Variants in NRXN2 observed in about 807,000 individuals in gnomAD.
The protein encoded by NRXN2 is neurexin 2.
NRXN2 carries 29 observed loss-of-function variants against 128.8 expected under a neutral mutation model. That is an observed-to-expected ratio of 0.23 (90% CI 0.17 to 0.31). The LOEUF is 0.31. NRXN2 is among the 10% of genes least tolerant of loss of function. The pLI is 1.00. For synonymous variants in NRXN2, 1,098 were observed against 1,075.2 expected (o/e 1.02, Z -0.41); for missense variants, 1,881 against 2,452.6 (o/e 0.77, Z 4.92).
chr11:64,717,107 T>C (rs550971923), intron 1 of NRXN2, among the ~76,000 whole-genome samples: 1 of 152,198 alleles, frequency 6.6e-6, no homozygotes, highest in South Asian at 2.1e-4. Flanking sequence ...CCAGGGTAAT[T>C]GCCTCACACG....
intron 2 of NRXN2, among the ~76,000 whole-genome samples, chr11:64,712,366 T>C (rs1444759233): frequency 7.4e-6 from 1 of 134,330 alleles, no homozygotes; most frequent in Non-Finnish European, 1.6e-5. Context: ...TGCTCCCTGT[T>C]TCATAGGCCC....
chr11:64,610,196 G>C (rs769930334), intron 22 of NRXN2, among the ~76,000 whole-genome samples: 5 of 151,950 alleles, frequency 3.3e-5, no homozygotes, highest in Non-Finnish European at 7.4e-5. Context: ...ATCTCCCCTG[G>C]CCAGGGGCTC....
At chr11:64,694,254 G>C (rs529612183) in intron 3 of NRXN2, among the ~76,000 whole-genome samples, 3 of 152,200 alleles carry the variant, frequency 2.0e-5, no homozygotes, top group African/African-American at 7.2e-5. Flanking sequence ...GAACAGCCCT[G>C]CAGTGCCACT....
At chr11:64,676,808 A>C in intron 7 of NRXN2, 185 bp downstream of exon 7, 1 of 626,628 alleles carries the variant, frequency 1.6e-6, no homozygotes, top group South Asian at 1.9e-5. Context: ...CCAAAAAAGA[A>C]AGAAAAGGGA....
chr11:64,657,117 C>T (rs2048386779), intron 11 of NRXN2, among the ~76,000 whole-genome samples: 1 of 152,210 alleles, frequency 6.6e-6, no homozygotes, highest in Non-Finnish European at 1.5e-5. Flanking sequence ...GAGACCAAGC[C>T]TCACCAGGCT....
chr11:64,674,443 C>A (rs1480829637), intron 7 of NRXN2, among the ~76,000 whole-genome samples: 2 of 152,192 alleles, frequency 1.3e-5, no homozygotes, highest in Non-Finnish European at 2.9e-5. Flanking sequence ...CCACCCACTT[C>A]AGCCTCCCAA....
intron 17 of NRXN2, among the ~76,000 whole-genome samples, chr11:64,639,312 C>A (rs1009388798): frequency 6.6e-6 from 1 of 152,140 alleles, no homozygotes; most frequent in Non-Finnish European, 1.5e-5. Context: ...CAATTCCTAA[C>A]CCCCTGCTTG....
intron 2 of NRXN2, among the ~76,000 whole-genome samples, chr11:64,710,096 C>G (rs1353068203): frequency 6.6e-6 from 1 of 151,826 alleles, no homozygotes; most frequent in African/African-American, 2.4e-5. Context: ...TTAGTAGAGA[C>G]GGGGTTTTAC....
chr11:64,607,683 A>G lies in NRXN2; in HGVS notation c.4652T>C (p.Phe1551Ser). 6.5e-7 allele frequency: 1 copy of G among 1,534,796 alleles called. No individual in the cohort carries two copies. Among genetic ancestry groups the G allele is most frequent in the Non-Finnish European group, 8.8e-7 (1 of 1,136,854 alleles). Reference protein sequence around the residue: ...DGATGAPGVLFAPSAPAPNLP... With the variant: ...DGATGAPGVLSAPSAPAPNLP... Reference sequence around the variant, plus strand: ...GTTGGGGGCCGGGGCGGAGGGGGCAAACAGCACCCCAGGGGCGCCCGTGGC... The same window carrying G: ...GTTGGGGGCCGGGGCGGAGGGGGCAGACAGCACCCCAGGGGCGCCCGTGGC... The change falls in exon 23 of 23, where the codon TTT becomes TCT. Residue 1551 changes from phenylalanine (F) to serine (S), a missense_variant. By Grantham distance (155) the Phe-to-Ser change is radical (BLOSUM62 -2). Coordinates refer to ENST00000265459, the MANE Select transcript of NRXN2 (RefSeq NM_015080.4).
At chr11:64,674,417 C>G (rs1254723795) in intron 7 of NRXN2, among the ~76,000 whole-genome samples, 2 of 152,124 alleles carry the variant, frequency 1.3e-5, no homozygotes, top group Non-Finnish European at 2.9e-5. Flanking sequence ...GCCTTGAACT[C>G]CTGGACTCAG....
chr11:64,713,465 C>G lies in NRXN2; in HGVS notation c.235G>C (p.Glu79Gln). The G allele has an allele frequency of 1.3e-6, 2 of 1,531,424 alleles. No homozygotes were observed. The highest frequency in any genetic ancestry group is 2.4e-5 in the South Asian group (2 of 83,130). 94.9% of individuals were successfully genotyped at this position (1,531,424 alleles called of 1,614,324 possible). A position where few individuals can be genotyped will look rare whatever the true frequency, so the allele number is the denominator to read the frequency against. ...AGGCGGCCGTCCACCAGCAGCAGCT[C>G]CAGGAAGTCGCAGTCGCCGCCGTCG... is the stretch of plus-strand genomic sequence containing the variant. ...LDDGGDCDFLELLLVDGRLRL... is the reference protein window; with the variant it reads ...LDDGGDCDFLQLLLVDGRLRL... Residue 79 changes from glutamate (E) to glutamine (Q), a missense_variant, in exon 2 of 23, where the codon GAG (glutamate) becomes CAG (glutamine). This residue lies in a region of NRXN2 where 997 missense variants were observed against 1,240.8 expected (regional missense o/e 0.80). Coordinates refer to ENST00000265459, the MANE Select transcript of NRXN2 (RefSeq NM_015080.4).
intron 6 of NRXN2, 142 bp downstream of exon 6, chr11:64,685,503 GC>G: frequency 9.0e-7 from 1 of 1,115,526 alleles, no homozygotes. Context: ...GACCCTCACA[GC>G]CCCAACTCCT....
Position 64,622,225 on chromosome 11 carries a change from C to A in NRXN2, c.4173+528G>T, listed in dbSNP as rs928608117. Among the ~76,000 whole-genome samples the A allele has an allele frequency of 1.3e-5, 2 of 152,168 alleles. No individual in the cohort carries two copies. The highest frequency in any genetic ancestry group is 4.8e-5 in the African/African-American group (2 of 41,434). On this transcript the variant is annotated intron_variant, in intron 21 of 22. Transcript: ENST00000265459. This position sits in a 1 kb window ranked among gnomAD's most constrained non-coding sequence, Gnocchi z 4.3. ...GGCTTTCCCACTGCAGGGACCCCAGCAAACAAGGAGAGGCTCCTCCTAGCT... is the reference window on the plus strand; with the variant it reads ...GGCTTTCCCACTGCAGGGACCCCAGAAAACAAGGAGAGGCTCCTCCTAGCT...
chr11:64,647,036 T>C (rs2046784531), intron 17 of NRXN2, among the ~76,000 whole-genome samples: 1 of 151,872 alleles, frequency 6.6e-6, no homozygotes, highest in Admixed American at 6.6e-5. Context: ...ACCCAGTAGG[T>C]TTCTCCTGTA....
At chr11:64,644,405 C>CTCT (rs1306898305) in intron 17 of NRXN2, among the ~76,000 whole-genome samples, 1 of 152,168 alleles carries the variant, frequency 6.6e-6, no homozygotes, top group African/African-American at 2.4e-5. Flanking sequence ...CAGCCCCAAC[C>CTCT]TCTCCCTCCA....
intron 12 of NRXN2, among the ~76,000 whole-genome samples, chr11:64,653,265 C>T (rs927676639): frequency 2.6e-5 from 4 of 152,148 alleles, no homozygotes; most frequent in Non-Finnish European, 4.4e-5. Flanking sequence ...CTGCATCCCT[C>T]GCCTTCCCCC....
In NRXN2 at chr11:64,682,492, G is replaced by A. The variant is rs182866964; in HGVS notation, c.1152+3154C>T. Among the ~76,000 whole-genome samples the A allele has an allele frequency of 5.5e-4, 84 of 151,720 alleles. 1 individual carries two copies. In the East Asian group the frequency reaches 0.015, roughly 28 times the overall value. On this transcript the variant is annotated intron_variant, in intron 6 of 22. Coordinates refer to ENST00000265459, the MANE Select transcript of NRXN2 (RefSeq NM_015080.4). ...CATCTTTGAGGGACTCCATCCTTGC[G>A]GACCGCATCTTTGAGGGACTCCATC...
At chr11:64,683,347 T>C (rs1244815332) in intron 6 of NRXN2, among the ~76,000 whole-genome samples, 1 of 152,140 alleles carries the variant, frequency 6.6e-6, no homozygotes, top group Non-Finnish European at 1.5e-5. Context: ...AGGCCAGGTG[T>C]GGTGGCTAAC....
chr11:64,677,071 G>T, intron 6 of NRXN2, 34 bp from the exon 7 acceptor site: 5 of 1,295,410 alleles, frequency 3.9e-6, no homozygotes, highest in Non-Finnish European at 5.2e-6. Flanking sequence ...GGGGAGGAGG[G>T]GGGTGTCAAA....
Sources: gnomAD v4.1 joint callset for allele counts (sites outside exome capture counted in the v4.1 genomes callset) on GRCh38, gnomAD v4.1.1 for gene constraint, gnomAD v4.1.1 regional missense constraint, Gnocchi (gnomAD v3.1) non-coding constraint, MANE v1.5 for transcripts, NCBI Gene and HGNC (gene_info 2026-07-23, HGNC 2026-07-21) for gene names.